The following ROBO2 variants were observed in gnomAD, a reference collection of about 807,000 sequenced individuals.
ROBO2 encodes roundabout guidance receptor 2.
In ROBO2, 53 loss-of-function variants were observed where a neutral mutation model predicts 160.8. That is an observed-to-expected ratio of 0.33 (90% CI 0.26 to 0.41). ROBO2 has a LOEUF of 0.41. Among genes scored for constraint, ROBO2 ranks in the 10% least tolerant of loss-of-function variants. ROBO2 has a pLI of 1.00. For missense variants in ROBO2, 1,577 were observed against 1,722.4 expected (o/e 0.92, Z 1.49); for synonymous variants, 664 against 611.7 (o/e 1.09, Z -1.26).
intron 2 of ROBO2, among the ~76,000 whole-genome samples, chr3:77,295,520 G>A (rs150739836): frequency 3.5e-5 from 5 of 142,606 alleles, no homozygotes; most frequent in South Asian, 2.3e-4. Context: ...GTAAATTGAC[G>A]GTTAAATGGG....
At chr3:76,642,958 T>A (rs2090773977) in intron 2 of ROBO2, among the ~76,000 whole-genome samples, 1 of 152,184 alleles carries the variant, frequency 6.6e-6, no homozygotes, top group Non-Finnish European at 1.5e-5. Context: ...GCAATAAAGT[T>A]GCTAAAATGA....
chr3:76,624,497 A>G (rs1180964511), intron 2 of ROBO2, among the ~76,000 whole-genome samples: 1 of 151,372 alleles, frequency 6.6e-6, no homozygotes, highest in African/African-American at 2.4e-5. Flanking sequence ...ACAAATGTAC[A>G]TTAGAATGTC....
intron 2 of ROBO2, among the ~76,000 whole-genome samples, chr3:76,724,550 A>G (rs530821228): frequency 9.2e-5 from 14 of 152,248 alleles, no homozygotes; most frequent in Admixed American, 9.2e-4. Flanking sequence ...TGATGCCAAG[A>G]ATTCCATTTC....
At chr3:76,476,413 T>C (rs913397254) in intron 2 of ROBO2, among the ~76,000 whole-genome samples, 1 of 152,142 alleles carries the variant, frequency 6.6e-6, no homozygotes, top group East Asian at 1.9e-4. Context: ...ATGCTTACCG[T>C]ATAGATCCAT....
intron 3 of ROBO2, among the ~76,000 whole-genome samples, chr3:77,478,277 G>A (rs1351071364): frequency 2.0e-5 from 3 of 152,152 alleles, no homozygotes; most frequent in Non-Finnish European, 4.4e-5. Flanking sequence ...TTAAGGTGAT[G>A]AATATCTCAA....
At chr3:75,941,873 C>A (rs956500775) in intron 2 of ROBO2, among the ~76,000 whole-genome samples, 10 of 152,054 alleles carry the variant, frequency 6.6e-5, no homozygotes, top group Admixed American at 5.9e-4. Context: ...AAGACAATAT[C>A]TTGTGTTTTG....
chr3:76,775,465 G>A (rs73844063), intron 2 of ROBO2, among the ~76,000 whole-genome samples: 34 of 150,842 alleles, frequency 2.3e-4, no homozygotes, highest in Admixed American at 1.3e-3. Context: ...GTTACTGGAC[G>A]AAAGTAAACT....
intron 2 of ROBO2, among the ~76,000 whole-genome samples, chr3:76,540,116 A>G (rs879217381): frequency 6.8e-6 from 1 of 147,024 alleles, no homozygotes; most frequent in East Asian, 2.0e-4. Context: ...ATGAGGAAAC[A>G]AAAAAAAAAG....
At chr3:76,471,397 A>C (rs1478368628) in intron 2 of ROBO2, among the ~76,000 whole-genome samples, 1 of 152,112 alleles carries the variant, frequency 6.6e-6, no homozygotes, top group African/African-American at 2.4e-5. Context: ...ATGGTTCAAC[A>C]ATAAGCTGTG....
chr3:76,185,877 G>T (rs1226607315), intron 2 of ROBO2, among the ~76,000 whole-genome samples: 1 of 151,760 alleles, frequency 6.6e-6, no homozygotes, highest in Admixed American at 6.6e-5. Flanking sequence ...CAAACTGATG[G>T]TGAGAAAATA....
chr3:76,754,213 A>C (rs901731170), intron 2 of ROBO2, among the ~76,000 whole-genome samples: 1 of 151,948 alleles, frequency 6.6e-6, no homozygotes, highest in Non-Finnish European at 1.5e-5. Flanking sequence ...TTCACCAAAA[A>C]TTCAAAAAAA....
At chr3:76,433,829 A>C (rs1185539168) in intron 2 of ROBO2, among the ~76,000 whole-genome samples, 1 of 152,280 alleles carries the variant, frequency 6.6e-6, no homozygotes, top group East Asian at 1.9e-4. Context: ...AAATCCTTAA[A>C]CCTTAAAGAC....
intron 2 of ROBO2, among the ~76,000 whole-genome samples, chr3:76,081,696 G>GAGA (rs2068837174): frequency 6.6e-6 from 1 of 152,024 alleles, no homozygotes. Context: ...CCTTTTCATA[G>GAGA]ATGTTCTCAT....
chr3:76,264,315 TTGGGTATTGTCTC>T (rs1461519735), intron 2 of ROBO2, among the ~76,000 whole-genome samples: 1 of 139,406 alleles, frequency 7.2e-6, no homozygotes, highest in Non-Finnish European at 1.6e-5. Context: ...TTTTCAATAT[TTGGGTATTGTCTC>T]TAGTTTTTTT....
At chr3:76,506,986 A>G (rs1285940360) in intron 2 of ROBO2, among the ~76,000 whole-genome samples, 1 of 152,204 alleles carries the variant, frequency 6.6e-6, no homozygotes, top group Non-Finnish European at 1.5e-5. Flanking sequence ...CTATAAAAAT[A>G]TATGAATTTA....
chr3:77,593,016 T>C (rs936999226), intron 17 of ROBO2, among the ~76,000 whole-genome samples: 1 of 152,206 alleles, frequency 6.6e-6, no homozygotes, highest in Non-Finnish European at 1.5e-5. Flanking sequence ...TTTATTGCTC[T>C]GGCAGTAACA....
At chr3:76,042,412 G>T (rs2067301447) in intron 2 of ROBO2, among the ~76,000 whole-genome samples, 1 of 151,954 alleles carries the variant, frequency 6.6e-6, no homozygotes, top group Non-Finnish European at 1.5e-5. Context: ...AAATGTATTT[G>T]TTTAAAGACT....
intron 2 of ROBO2, among the ~76,000 whole-genome samples, chr3:76,918,307 C>T (rs1249380515): frequency 1.3e-5 from 2 of 152,092 alleles, no homozygotes; most frequent in Non-Finnish European, 2.9e-5. Flanking sequence ...TGGCATTTCC[C>T]CTCTTTGCAC....
chr3:77,614,985 A>T (rs1440992166), intron 21 of ROBO2, among the ~76,000 whole-genome samples: 4 of 152,040 alleles, frequency 2.6e-5, no homozygotes, highest in Non-Finnish European at 5.9e-5. Flanking sequence ...GTTGTTTAAA[A>T]TGTTCCTTTT....
Sources: allele counts gnomAD v4.1 joint callset (sites outside exome capture counted in the v4.1 genomes callset), GRCh38; gene constraint gnomAD v4.1.1; transcripts MANE v1.5; gene names NCBI Gene and HGNC (gene_info 2026-07-23, HGNC 2026-07-21).